The following CPSF1 variants were observed in gnomAD, a reference collection of about 807,000 sequenced individuals.
CPSF1 encodes cleavage and polyadenylation specific factor 1.
Under a neutral mutation model 175.8 loss-of-function variants are expected in CPSF1, and 106 were observed. The observed-to-expected ratio is 0.60, with a 90% CI of 0.52 to 0.71. CPSF1 has a LOEUF of 0.71. CPSF1 is among the 30% of genes least tolerant of loss of function. The probability of loss-of-function intolerance (pLI) is 0.00; values close to 1 mark genes in which losing one functional copy is unlikely to be tolerated. For missense variants in CPSF1, 1,734 were observed against 2,022.9 expected (o/e 0.86, Z 2.74); for synonymous variants, 1,024 against 858.3 (o/e 1.19, Z -3.37).
intron 2 of CPSF1, 32 bp from the exon 3 acceptor site, chr8:144,401,705 G>A (rs1403223188): frequency 3.8e-6 from 6 of 1,585,832 alleles, no homozygotes; most frequent in Admixed American, 1.8e-5. Flanking sequence ...GGCAGTGAGG[G>A]GCCACATCTG....
At chr8:144,405,298 G>C (rs1821434948) in intron 2 of CPSF1, among the ~76,000 whole-genome samples, 1 of 152,160 alleles carries the variant, frequency 6.6e-6, no homozygotes, top group Admixed American at 6.5e-5. Flanking sequence ...TGGTGTTCCT[G>C]TCAAAAATAC....
chr8:144,396,708 GCTT>G lies in CPSF1; in HGVS notation c.2713_2715del (p.Lys905del). On this transcript the variant is annotated inframe_deletion, in exon 25 of 38. Transcript: ENST00000616140. ...TCTGCTTTCTTCTTGGATGGCTTTG[GCTT>G]CTTCTCACGGAAGTTGATGTTGTGA... The G allele has an allele frequency of 1.9e-6, 3 of 1,613,940 alleles. No individual in the cohort carries two copies. The highest frequency in any genetic ancestry group is 1.7e-5 in the Admixed American group (1 of 60,024).
At position 144,400,097 on chromosome 8, in the gene CPSF1, G is replaced by C; in HGVS notation, c.938-12C>G. The C allele has an allele frequency of 6.2e-7, 1 of 1,609,154 alleles. No homozygotes were observed. Among genetic ancestry groups the C allele is most frequent in the Non-Finnish European group, 8.5e-7 (1 of 1,178,622 alleles). On this transcript the variant is annotated splice_polypyrimidine_tract_variant and intron_variant, in intron 9 of 37. Transcript: ENST00000616140. The stretch of plus-strand genomic sequence containing the variant: ...ACCCTCCTGGGTGCCTGTGGGGTGG[G>C]TGGTCAGGCCGACTAGGCAGGCCCA...
rs957077876 is a variant in CPSF1, at chr8:144,399,772, C to G, written c.1119+9G>C. 1.3e-6 allele frequency: 2 copies of G among 1,581,982 alleles called. No homozygotes were observed. The highest frequency in any genetic ancestry group is 1.7e-6 in the Non-Finnish European group (2 of 1,164,512). On this transcript the variant is annotated intron_variant, in intron 11 of 37. Coordinates refer to ENST00000616140, the MANE Select transcript of CPSF1 (RefSeq NM_013291.3). The surrounding 1 kb of genome is among the most constrained non-coding windows in gnomAD (Gnocchi z 6.4). ...CTGGACCCAGACCCAACCCCTAGTCCCAACTCACGCTGGTGGTGAGGACGC... is the reference window on the plus strand; with the variant it reads ...CTGGACCCAGACCCAACCCCTAGTCGCAACTCACGCTGGTGGTGAGGACGC...
At chr8:144,394,580 G>C in intron 31 of CPSF1, 25 bp from the exon 32 acceptor site, 1 of 1,603,902 alleles carries the variant, frequency 6.2e-7, no homozygotes, top group Non-Finnish European at 8.5e-7. Flanking sequence ...GAGGGTGAGC[G>C]GGCGCGGACG....
Position 144,401,633 on chromosome 8 carries a change from C to T in CPSF1, c.172+13G>A. 1 of 1,611,436 alleles carries T rather than the reference C, an allele frequency of 6.2e-7. No individual in the cohort carries two copies. Among genetic ancestry groups the T allele is most frequent in the South Asian group, 1.1e-5 (1 of 90,538 alleles). ...GGCACCCGCACAGCCCCAGGCCGCC[C>T]CACCACACTCACCTGTGCTCCTGTC... On this transcript the variant is annotated intron_variant, in intron 3 of 37. Coordinates refer to ENST00000616140, the MANE Select transcript of CPSF1 (RefSeq NM_013291.3).
At chr8:144,396,164 C>G (rs1380603197) in intron 26 of CPSF1, 184 bp downstream of exon 26, 1 of 662,912 alleles carries the variant, frequency 1.5e-6, no homozygotes, top group South Asian at 2.0e-5. Context: ...CCAACCACCC[C>G]TTTCCAGACC....
At chr8:144,395,381 C>G (rs782308366) in intron 27 of CPSF1, 26 bp from the exon 28 acceptor site, 2 of 1,612,314 alleles carry the variant, frequency 1.2e-6, no homozygotes, top group Admixed American at 1.7e-5. Context: ...GGTCACACAC[C>G]AGTGGCCCGG....
rs782478061 is a variant in CPSF1, at chr8:144,397,285, C to G, written c.2514G>C (p.Thr838=). 1.3e-6 allele frequency: 2 copies of G among 1,549,720 alleles called. No homozygotes were observed. The highest frequency in any genetic ancestry group is 3.9e-5 in the Admixed American group (2 of 51,132). Residue 838 remains threonine, a synonymous_variant, in exon 23 of 38, where the codon ACG becomes ACC. Coordinates refer to ENST00000616140, the MANE Select transcript of CPSF1 (RefSeq NM_013291.3). ...TGACGAGGGGCAGCTCCCCCTGGCG[C>G]GTGGCCTCCTCCCTGCGGGCCTCGC... ...TQGEARREEA[T]RQGELPLVKE...
rs576625253 is a variant in CPSF1, at chr8:144,396,787, C to CCCACACCTTGTA, written c.2682+41_2683-47dup. The CCCACACCTTGTA allele has an allele frequency of 2.0e-4, 317 of 1,613,234 alleles. No individual in the cohort carries two copies. The African/African-American group carries it at 3.9e-3, about 20-fold the overall frequency. ...TCCTCCAGGGGCTGCCGGTCTGAAA[C>CCCACACCTTGTA]CCACACCTTGTACCACACCCACCCC... On this transcript the variant is annotated intron_variant, in intron 24 of 37. Coordinates refer to ENST00000616140, the MANE Select transcript of CPSF1 (RefSeq NM_013291.3).
chr8:144,401,151 C>T (rs1821182192), intron 5 of CPSF1, 60 bp downstream of exon 5: 2 of 1,348,110 alleles, frequency 1.5e-6, no homozygotes, highest in Non-Finnish European at 2.0e-6. Context: ...CAGAACCCAG[C>T]TGCAGGGGGA....
In CPSF1 at chr8:144,396,714, T is replaced by G; in HGVS notation, c.2710A>C (p.Lys904Gln). 3 of 1,613,920 alleles carry G rather than the reference T, an allele frequency of 1.9e-6. No homozygotes were observed. The highest frequency in any genetic ancestry group is 2.5e-6 in the Non-Finnish European group (3 of 1,179,998). Residue 904 changes from lysine to glutamine, a missense_variant, in exon 25 of 38, where the codon AAG becomes CAG. Lys to Gln is a moderately conservative substitution (Grantham distance 53). Around this residue, in one of 10 missense-constraint regions of CPSF1, gnomAD observed 585 missense variants for 584.7 expected, o/e 1.00. Transcript: ENST00000616140. Reference sequence around the variant, plus strand: ...TTCTTCTTGGATGGCTTTGGCTTCTTCTCACGGAAGTTGATGTTGTGAGGG... The same window carrying G: ...TTCTTCTTGGATGGCTTTGGCTTCTGCTCACGGAAGTTGATGTTGTGAGGG... Reference protein sequence around the residue: ...KVPHNINFREKKPKPSKKKAE... With the variant: ...KVPHNINFREQKPKPSKKKAE...
chr8:144,397,739 G>A lies in CPSF1; in HGVS notation c.2210+4C>T, dbSNP rs782056943. 26 of 1,594,344 alleles carry A rather than the reference G, an allele frequency of 1.6e-5. No individual in the cohort carries two copies. The highest frequency in any genetic ancestry group is 2.7e-5 in the African/African-American group (2 of 74,516). ...CCCTACCTGCGCCCCCAGCCCCCAC[G>A]CACCTAGTCTCTGAGCCCAGGCCCT... On this transcript the variant is annotated splice_donor_region_variant and intron_variant, in intron 21 of 37. Transcript: ENST00000616140.
Position 144,399,024 on chromosome 8 carries a change from G to A in CPSF1, c.1482C>T (p.Pro494=), listed in dbSNP as rs2116857265. Residue 494 remains proline, a synonymous_variant, in exon 16 of 38, where the codon CCC becomes CCT. Coordinates refer to ENST00000616140, the MANE Select transcript of CPSF1 (RefSeq NM_013291.3). The surrounding 1 kb of genome is among the most constrained non-coding windows in gnomAD (Gnocchi z 6.4). ...AFLSEEFQNS[P]EPDLEIVVCS... ...AAACCACAATCTCCAGGTCCGGCTCGGGGCTGTTCTGAAACTGCACAGGAC... is the reference window on the plus strand; with the variant it reads ...AAACCACAATCTCCAGGTCCGGCTCAGGGCTGTTCTGAAACTGCACAGGAC... 2.7e-5 allele frequency: 44 copies of A among 1,602,760 alleles called. No individual in the cohort carries two copies. The highest frequency in any genetic ancestry group is 4.0e-5 in the African/African-American group (3 of 74,688).
rs1821652643 is a variant in CPSF1 at position 144,409,031 on chromosome 8, A to T, written c.128T>A (p.Leu43His). 2 of 1,613,308 alleles carry T rather than the reference A, an allele frequency of 1.2e-6. No homozygotes were observed. The highest frequency in any genetic ancestry group is 1.7e-6 in the Non-Finnish European group (2 of 1,179,774). The change falls in exon 2 of 38, where the codon CTC (leucine) becomes CAC (histidine). Residue 43 changes from leucine (L) to histidine (H), a missense_variant. Physicochemically the swap from Leu to His is moderately conservative, Grantham distance 99 (BLOSUM62 -3). Coordinates refer to ENST00000616140, the MANE Select transcript of CPSF1 (RefSeq NM_013291.3). ...AGTSQLYVYR[L>H]NRDAEALTKN... ...CCGACCTACCTCGGCGTCGCGGTTG[A>T]GGCGGTACACGTAGAGCTGCGAGGT... is the stretch of plus-strand genomic sequence containing the variant.
intron 9 of CPSF1, 30 bp downstream of exon 9, chr8:144,400,136 C>CCCCA (rs1183576105): frequency 2.0e-6 from 2 of 995,124 alleles, no homozygotes; most frequent in Non-Finnish European, 2.9e-6. Flanking sequence ...CGTCCCCGGG[C>CCCCA]CCCCCCCGCC....
In CPSF1 at chr8:144,394,373, G is replaced by A. The variant is rs1554862725; in HGVS notation, c.3744+6C>T. The A allele has an allele frequency of 5.6e-6, 9 of 1,601,690 alleles. No homozygotes were observed. Among genetic ancestry groups the A allele is most frequent in the Middle Eastern group, 1.7e-4 (1 of 6,006 alleles). Reference sequence around the variant, plus strand: ...CCAGACACGAGCACCGCCGCCACAGGTGTACCCGCGACACCAGGCTCAGCG... The same window carrying A: ...CCAGACACGAGCACCGCCGCCACAGATGTACCCGCGACACCAGGCTCAGCG... On this transcript the variant is annotated splice_donor_region_variant and intron_variant, in intron 32 of 37. Transcript: ENST00000616140.
rs1442752854 is a variant in CPSF1, at chr8:144,400,436, C to T, written c.744G>A (p.Thr248=). 3 of 1,613,584 alleles carry T rather than the reference C, an allele frequency of 1.9e-6. No homozygotes were observed. The highest frequency in any genetic ancestry group is 1.3e-5 in the African/African-American group (1 of 75,030). ...ACCAGATGACGGGGTGCACCTTCTG[C>T]GTGATGTTCAGTGAGATGGCCACAA... The part of the protein sequence containing the change: ...CSIVAISLNI[T]QKVHPVIWSL... The change falls in exon 8 of 38, where the codon ACG becomes ACA. Residue 248 remains threonine, a synonymous_variant. Transcript: ENST00000616140.
intron 17 of CPSF1, 68 bp downstream of exon 17, chr8:144,398,711 A>AC: frequency 1.3e-6 from 2 of 1,595,996 alleles, no homozygotes; most frequent in Non-Finnish European, 8.6e-7. Context: ...CGACCTGGGC[A>AC]CCCCCGGCCT....
Sources: gnomAD v4.1 joint callset for allele counts (sites outside exome capture counted in the v4.1 genomes callset) on GRCh38, gnomAD v4.1.1 for gene constraint, gnomAD v4.1.1 regional missense constraint, Gnocchi (gnomAD v3.1) non-coding constraint, MANE v1.5 for transcripts, NCBI Gene and HGNC (gene_info 2026-07-23, HGNC 2026-07-21) for gene names.